The following MTHFD1L variants were observed in gnomAD, a reference collection of about 807,000 sequenced individuals.
MTHFD1L encodes methylenetetrahydrofolate dehydrogenase (NADP+ dependent) 1 like.
A neutral mutation model predicts 119.5 loss-of-function variants in MTHFD1L; 81 were observed. That is an observed-to-expected ratio of 0.68 (90% confidence interval 0.57 to 0.82). MTHFD1L has a LOEUF of 0.82. Ranked by LOEUF, MTHFD1L falls within the 40% of genes least tolerant of loss-of-function variation. MTHFD1L has a pLI of 0.00. For missense variants in MTHFD1L, 1,125 were observed against 1,253.4 expected (o/e 0.90, Z 1.55); for synonymous variants, 430 against 475.2 (o/e 0.90, Z 1.24).
At chr6:151,092,375 C>T in intron 26 of MTHFD1L, 92 bp from the exon 27 acceptor site, 2 of 887,566 alleles carry the variant, frequency 2.3e-6, no homozygotes, top group Non-Finnish European at 3.6e-6. Context: ...TTCTATGAGG[C>T]TGTATTGAAC....
intron 20 of MTHFD1L, among the ~76,000 whole-genome samples, chr6:150,976,613 C>T (rs1776616335): frequency 6.6e-6 from 1 of 152,154 alleles, no homozygotes; most frequent in Admixed American, 6.5e-5. Context: ...GGAAGGATCT[C>T]TTAAAATATG....
chr6:150,954,252 A>G (rs1001862272), intron 16 of MTHFD1L, among the ~76,000 whole-genome samples: 10 of 152,340 alleles, frequency 6.6e-5, no homozygotes, highest in African/African-American at 2.2e-4. Context: ...CTAAATTGTC[A>G]ATGTGGACAG....
At chr6:150,997,378 T>C (rs916435312) in intron 20 of MTHFD1L, among the ~76,000 whole-genome samples, 3 of 151,166 alleles carry the variant, frequency 2.0e-5, no homozygotes, top group African/African-American at 7.3e-5. Context: ...GTTTTCATGC[T>C]ACATTTTTGC....
chr6:151,015,858 G>A (rs184712795), intron 24 of MTHFD1L, among the ~76,000 whole-genome samples, 165 bp downstream of exon 24: 38 of 152,242 alleles, frequency 2.5e-4, no homozygotes, highest in Admixed American at 3.9e-4. Flanking sequence ...AGGCTAGGGC[G>A]GGCAGATCAC....
chr6:150,927,649 G>A (rs1462426696), intron 11 of MTHFD1L, among the ~76,000 whole-genome samples: 1 of 152,048 alleles, frequency 6.6e-6, no homozygotes, highest in East Asian at 1.9e-4. Context: ...TCGAGATGGG[G>A]TTTCACCATG....
intron 19 of MTHFD1L, among the ~76,000 whole-genome samples, chr6:150,968,976 GCAT>G (rs1797641163): frequency 6.6e-6 from 1 of 151,068 alleles, no homozygotes; most frequent in Non-Finnish European, 1.5e-5. Flanking sequence ...AGCCTCCTGA[GCAT>G]CTGGGATTAC....
chr6:151,086,162 A>C (rs574377498), intron 26 of MTHFD1L, among the ~76,000 whole-genome samples: 1 of 152,176 alleles, frequency 6.6e-6, no homozygotes, highest in Non-Finnish European at 1.5e-5. Context: ...ACAGCGGTGC[A>C]GGTTCCCAGC....
intron 20 of MTHFD1L, among the ~76,000 whole-genome samples, chr6:150,976,610 T>A (rs1304779681): frequency 6.6e-6 from 1 of 152,178 alleles, no homozygotes; most frequent in Non-Finnish European, 1.5e-5. Context: ...TAGGGAAGGA[T>A]CTCTTAAAAT....
chr6:151,057,656 C>A (rs1286731304), intron 26 of MTHFD1L, among the ~76,000 whole-genome samples: 2 of 152,084 alleles, frequency 1.3e-5, no homozygotes, highest in Non-Finnish European at 2.9e-5. Flanking sequence ...ACCCATGAGA[C>A]CTAGACTCCC....
At chr6:150,943,732 G>A (rs1562426043) in intron 13 of MTHFD1L, among the ~76,000 whole-genome samples, 2 of 152,134 alleles carry the variant, frequency 1.3e-5, no homozygotes, top group South Asian at 2.1e-4. Context: ...TGTGAAAAAC[G>A]AAACTTGGAA....
chr6:150,906,169 G>C (rs1785870752), intron 8 of MTHFD1L, among the ~76,000 whole-genome samples: 2 of 152,352 alleles, frequency 1.3e-5, no homozygotes, highest in African/African-American at 4.8e-5. Context: ...GGAGGGATGG[G>C]AATAGGATCA....
chr6:150,866,258 G>C (rs1331799748), intron 1 of MTHFD1L: 4 of 1,437,888 alleles, frequency 2.8e-6, no homozygotes, highest in African/African-American at 1.5e-5. Context: ...TCCAGTACCC[G>C]ACCGGGCCCG....
chr6:150,983,089 C>G (rs1777782242), intron 20 of MTHFD1L, among the ~76,000 whole-genome samples: 1 of 152,270 alleles, frequency 6.6e-6, no homozygotes, highest in Middle Eastern at 3.4e-3. Context: ...ATGGCTGTTT[C>G]TGGGCATTTG....
chr6:151,025,724 G>A (rs918995583), intron 24 of MTHFD1L, among the ~76,000 whole-genome samples: 1 of 152,184 alleles, frequency 6.6e-6, no homozygotes, highest in African/African-American at 2.4e-5. Flanking sequence ...CCATGTATTT[G>A]TCATTCACTG....
intron 6 of MTHFD1L, 116 bp downstream of exon 6, chr6:150,885,850 C>T: frequency 1.4e-6 from 1 of 708,396 alleles, no homozygotes; most frequent in Non-Finnish European, 2.3e-6. Flanking sequence ...ATTCTGATAT[C>T]CTTTTAGGAT....
chr6:150,994,867 A>G (rs544580868), intron 20 of MTHFD1L, among the ~76,000 whole-genome samples: 1 of 152,284 alleles, frequency 6.6e-6, no homozygotes, highest in South Asian at 2.1e-4. Context: ...GTAGAGAATG[A>G]TATCTTTGTT....
At position 150,916,737 on chromosome 6, in the gene MTHFD1L, C is replaced by CTTT. The variant is rs57961829; in HGVS notation, c.893-1800_893-1798dup. 7.9e-4 allele frequency among the ~76,000 whole-genome samples: 57 copies of CTTT among 72,100 alleles called. 2 individuals are homozygous for CTTT. The highest frequency in any genetic ancestry group is 1.1e-3 in the African/African-American group (25 of 22,896). The allele number at this position is 72,100 out of a possible 152,430, so 47.3% of individuals were successfully genotyped here. Reference sequence around the variant, plus strand: ...TTTTGATGGAAAATTGATTCTATCCCTTTTTTTTTTTTTTTTTTTTTTTTT... The same window carrying CTTT: ...TTTTGATGGAAAATTGATTCTATCCCTTTTTTTTTTTTTTTTTTTTTTTTTTTT... On this transcript the variant is annotated intron_variant, in intron 8 of 27. Coordinates refer to ENST00000367321, the MANE Select transcript of MTHFD1L (RefSeq NM_015440.5).
chr6:150,997,091 T>G (rs1362406164), intron 20 of MTHFD1L, among the ~76,000 whole-genome samples: 2 of 152,196 alleles, frequency 1.3e-5, no homozygotes, highest in Non-Finnish European at 2.9e-5. Context: ...TGACATGTTC[T>G]CCTGGGCGCT....
chr6:150,983,394 A>G (rs989658804), intron 20 of MTHFD1L, among the ~76,000 whole-genome samples: 1 of 152,094 alleles, frequency 6.6e-6, no homozygotes, highest in African/African-American at 2.4e-5. Context: ...TTTTTTCCTT[A>G]ACTCTTACAG....
Sources: gnomAD v4.1 joint callset for allele counts (sites outside exome capture counted in the v4.1 genomes callset) on GRCh38, gnomAD v4.1.1 for gene constraint, MANE v1.5 for transcripts, NCBI Gene and HGNC (gene_info 2026-07-23, HGNC 2026-07-21) for gene names.